The following DPM1 variants were observed in gnomAD, a reference collection of about 807,000 sequenced individuals.
DPM1 encodes the protein dolichol-phosphate mannosyltransferase subunit 1.
Under a neutral mutation model 39.0 loss-of-function variants are expected in DPM1, and 27 were observed. The ratio of observed to expected loss-of-function variants is 0.69; its 90% CI spans 0.51 to 0.95. The LOEUF is 0.95. Among genes scored for constraint, DPM1 ranks in the 40% least tolerant of loss-of-function variants. The pLI, the probability that DPM1 is intolerant of heterozygous loss-of-function variation, is 0.00. For synonymous variants in DPM1, 124 were observed against 109.0 expected (o/e 1.14, Z -0.86); for missense variants, 307 against 315.6 (o/e 0.97, Z 0.21).
At chr20:50,943,106 G>A (rs1187842064) in intron 5 of DPM1, among the ~76,000 whole-genome samples, 3 of 151,908 alleles carry the variant, frequency 2.0e-5, no homozygotes, top group African/African-American at 7.2e-5. Flanking sequence ...AACCCGGGAC[G>A]TGGAGGTTGC....
In DPM1 at chr20:50,940,086, T is replaced by TTGTGTGTGTGTG. The variant is rs11469059; in HGVS notation, c.563+767_563+778dup. On this transcript the variant is annotated intron_variant, in intron 7 of 8. Transcript: ENST00000371588. ...TGACTGTCAACAGCCAGGTCCTAAT[T>TTGTGTGTGTGTG]TGTGTGTGTGTGTGTGTGTGTGTGT... 3.3e-3 allele frequency among the ~76,000 whole-genome samples: 477 copies of TTGTGTGTGTGTG among 146,616 alleles called. 4 individuals are homozygous for TTGTGTGTGTGTG. Among genetic ancestry groups the TTGTGTGTGTGTG allele is most frequent in the African/African-American group, 0.011 (453 of 39,650 alleles).
Position 50,940,907 on chromosome 20 carries a change from A to T in DPM1, c.521T>A (p.Ile174Asn). 1 of 1,614,068 alleles carries T rather than the reference A, an allele frequency of 6.2e-7. No individual in the cohort carries two copies. Among genetic ancestry groups the T allele is most frequent in the Non-Finnish European group, 8.5e-7 (1 of 1,179,998 alleles). Residue 174 changes from isoleucine to asparagine, a missense_variant, in exon 7 of 9, where the codon ATC (isoleucine) becomes AAC (asparagine). Transcript: ENST00000371588. The stretch of plus-strand genomic sequence containing the variant: ...ATCAGATGCTCCTGGTCTCAGCAAG[A>T]TCTGAGTTAAAAAATTGGCCCCACG... ...ISRGANFLTQ[I>N]LLRPGASDLT... is the part of the protein sequence containing the mutation.
chr20:50,941,229 T>A lies in DPM1; in HGVS notation c.495-296A>T, dbSNP rs1315191670. The A allele has an allele frequency of 3.0e-4, 16 of 52,900 alleles. 1 individual carries two copies. The highest frequency in any genetic ancestry group is 5.0e-4 in the Non-Finnish European group (15 of 29,766). The allele number at this position is 52,900 out of a possible 1,614,324, so 3.3% of individuals were successfully genotyped here. On this transcript the variant is annotated intron_variant, in intron 6 of 8. Coordinates refer to ENST00000371588, the MANE Select transcript of DPM1 (RefSeq NM_003859.3). ...CCATCACTACAAAAAAAAAAGTGAA[T>A]ATATATATATATATATATATATATA...
chr20:50,937,414 C>A (rs530025279), intron 7 of DPM1, among the ~76,000 whole-genome samples: 170 of 150,922 alleles, frequency 1.1e-3, no homozygotes, highest in South Asian at 2.1e-3. Flanking sequence ...AATATTTATT[C>A]AATAATAAAT....
intron 2 of DPM1, among the ~76,000 whole-genome samples, chr20:50,950,027 T>C (rs1192409657): frequency 6.6e-6 from 1 of 152,240 alleles, no homozygotes; most frequent in Non-Finnish European, 1.5e-5. Context: ...AGTTGTTTTG[T>C]AGATCTTTTG....
chr20:50,955,263 T>C lies in DPM1; in HGVS notation c.184A>G (p.Ile62Val), dbSNP rs751913108. 1 of 1,612,550 alleles carries C rather than the reference T, an allele frequency of 6.2e-7. No homozygotes were observed. The highest frequency in any genetic ancestry group is 1.1e-5 in the South Asian group (1 of 91,040). The change falls in exon 2 of 9, where the codon ATC (isoleucine) becomes GTC (valine). Residue 62 changes from isoleucine (I) to valine (V), a missense_variant. Ile to Val is a conservative substitution (Grantham distance 29, BLOSUM62 3). Coordinates refer to ENST00000371588, the MANE Select transcript of DPM1 (RefSeq NM_003859.3). Reference protein sequence around the residue: ...SESGINYEIIIIDDGSPDGTR... With the variant: ...SESGINYEIIVIDDGSPDGTR... ...CCATCTGGGCTTCCATCATCTATGA[T>C]TATAATTTCATAGTTGATTCCACTA...
intron 1 of DPM1, among the ~76,000 whole-genome samples, chr20:50,956,552 G>GA (rs1284573584): frequency 6.7e-6 from 1 of 150,182 alleles, no homozygotes; most frequent in Non-Finnish European, 1.5e-5. Context: ...AAAAGAAAAA[G>GA]AAAAAAGAAA....
chr20:50,942,349 T>C (rs1460836611), intron 5 of DPM1, among the ~76,000 whole-genome samples: 1 of 151,922 alleles, frequency 6.6e-6, no homozygotes, highest in Non-Finnish European at 1.5e-5. Flanking sequence ...CTACTAAAAA[T>C]ATAAAAATTA....
intron 6 of DPM1, among the ~76,000 whole-genome samples, chr20:50,941,373 A>C (rs1226079066): frequency 1.4e-5 from 2 of 145,292 alleles, no homozygotes; most frequent in Non-Finnish European, 3.0e-5. Flanking sequence ...ATATATTCAT[A>C]TTATATATAT....
intron 1 of DPM1, among the ~76,000 whole-genome samples, chr20:50,957,377 C>G: frequency 6.6e-6 from 1 of 152,150 alleles, no homozygotes; most frequent in Non-Finnish European, 1.5e-5. Flanking sequence ...TCTGTCGACC[C>G]AGCAATCCTA....
In DPM1 at chr20:50,935,095, C is replaced by G; in HGVS notation, c.*37G>C. On this transcript the variant is annotated 3_prime_UTR_variant, in exon 9 of 9. Coordinates refer to ENST00000371588, the MANE Select transcript of DPM1 (RefSeq NM_003859.3). ...GTAACCAGGCTTCTTTCATGTTTAA[C>G]CTGAAATGAACGTAACTATAAATGA... The G allele has an allele frequency of 8.3e-7, 1 of 1,210,792 alleles. No homozygotes were observed. Among genetic ancestry groups the G allele is most frequent in the African/African-American group, 1.5e-5 (1 of 67,028 alleles). 75.0% of individuals were successfully genotyped at this position (1,210,792 alleles called of 1,614,324 possible). A position where few individuals can be genotyped will look rare whatever the true frequency, so the allele number is the denominator to read the frequency against.
At chr20:50,942,368 C>CG (rs1985915691) in intron 5 of DPM1, among the ~76,000 whole-genome samples, 1 of 151,950 alleles carries the variant, frequency 6.6e-6, no homozygotes, top group Admixed American at 6.6e-5. Flanking sequence ...TAGCCTGGCG[C>CG]GGTGGCGGGT....
At position 50,937,249 on chromosome 20, in the gene DPM1, C is replaced by T. The variant is rs565559933; in HGVS notation, c.564-987G>A. On this transcript the variant is annotated intron_variant, in intron 7 of 8. Transcript: ENST00000371588. Reference sequence around the variant, plus strand: ...TTTTTCCCTCAGACTTCTAAGGCGACCTTATCTTTTGACTATGAAGTGGGT... The same window carrying T: ...TTTTTCCCTCAGACTTCTAAGGCGATCTTATCTTTTGACTATGAAGTGGGT... 2.6e-3 allele frequency among the ~76,000 whole-genome samples: 400 copies of T among 152,200 alleles called. 2 individuals carry two copies. The highest frequency in any genetic ancestry group is 4.2e-3 in the Admixed American group (64 of 15,284).
chr20:50,946,714 C>G (rs1387552572), intron 3 of DPM1, among the ~76,000 whole-genome samples: 1 of 152,200 alleles, frequency 6.6e-6, no homozygotes, highest in Non-Finnish European at 1.5e-5. Flanking sequence ...CCTGCATTCT[C>G]TAGTCCAGAC....
intron 5 of DPM1, among the ~76,000 whole-genome samples, 153 bp downstream of exon 5, chr20:50,945,584 C>A (rs1044868365): frequency 1.3e-5 from 2 of 152,166 alleles, no homozygotes; most frequent in South Asian, 4.2e-4. Context: ...CTTCAAGCAA[C>A]CCTCCTACCC....
At chr20:50,945,521 T>C (rs1986230124) in intron 5 of DPM1, among the ~76,000 whole-genome samples, 1 of 152,130 alleles carries the variant, frequency 6.6e-6, no homozygotes, top group African/African-American at 2.4e-5. Flanking sequence ...TTGTTATTTT[T>C]TTTGTAGAGA....
In DPM1 at chr20:50,935,239, AG is replaced by A; in HGVS notation, c.679-4del. On this transcript the variant is annotated splice_polypyrimidine_tract_variant and splice_region_variant and intron_variant, in intron 8 of 8. Coordinates refer to ENST00000371588, the MANE Select transcript of DPM1 (RefSeq NM_003859.3). ...CGATCCACAAATGATATTGGAACCT[AG>A]TTTAAAAAAAAAAAAGTAACGTTAG... 6.5e-7 allele frequency: 1 copy of A among 1,529,440 alleles called. No individual in the cohort carries two copies. 94.7% of individuals were successfully genotyped at this position (1,529,440 alleles called of 1,614,324 possible).
At chr20:50,958,543 C>A (rs1568777712), upstream of DPM1, 2 of 1,612,766 alleles carry the variant, frequency 1.2e-6, no homozygotes, top group African/African-American at 2.7e-5. Context: ...GAGCCAGATG[C>A]CGGAAGCGGA....
At chr20:50,958,151 C>T (rs6020868) in intron 1 of DPM1, among the ~76,000 whole-genome samples, 1 of 152,222 alleles carries the variant, frequency 6.6e-6, no homozygotes, top group Non-Finnish European at 1.5e-5. Flanking sequence ...GAGAGTCTCA[C>T]AAAACCCAAG....
Sources: gnomAD v4.1 joint callset for allele counts (sites outside exome capture counted in the v4.1 genomes callset) on GRCh38, gnomAD v4.1.1 for gene constraint, MANE v1.5 for transcripts, NCBI Gene and HGNC (gene_info 2026-07-23, HGNC 2026-07-21) for gene names.